TEAD1: variants seen among roughly 807,000 people sequenced by gnomAD.
TEAD1 encodes transcriptional enhancer factor TEF-1.
A neutral mutation model predicts 54.9 loss-of-function variants in TEAD1; 9 were observed. That is an observed-to-expected ratio of 0.16 (90% CI 0.10 to 0.29). The LOEUF (loss-of-function observed/expected upper bound fraction) is 0.29, where lower values mean the gene tolerates loss of function less well. Ranked by LOEUF, TEAD1 falls within the 10% of genes least tolerant of loss-of-function variation. The probability of loss-of-function intolerance (pLI) is 1.00; values close to 1 mark genes in which losing one functional copy is unlikely to be tolerated. For missense variants in TEAD1, 387 were observed against 535.9 expected, an observed-to-expected ratio of 0.72 and a Z score of 2.74; for synonymous variants, 200 against 187.8, an observed-to-expected ratio of 1.07 and a Z score of -0.53.
In TEAD1 at chr11:12,930,222, C is replaced by T. The variant is rs767697992; in HGVS notation, c.1063C>T (p.Arg355Cys). The T allele has an allele frequency of 3.7e-6, 6 of 1,614,042 alleles. No individual in the cohort carries two copies. The highest frequency in any genetic ancestry group is 1.3e-5 in the African/African-American group (1 of 74,902). Reference sequence around the variant, plus strand: ...TGGCCGATTTGTATACCGAATAAACCGCTCCCCAATGTGTGAATATATGAT... The same window carrying T: ...TGGCCGATTTGTATACCGAATAAACTGCTCCCCAATGTGTGAATATATGAT... The change falls in exon 12 of 13, where the codon CGC becomes TGC. Residue 355 changes from arginine to cysteine, a missense_variant. Coordinates refer to ENST00000527636, the MANE Select transcript of TEAD1 (RefSeq NM_021961.6).
At chr11:12,767,056 G>A (rs1945221529) in intron 3 of TEAD1, among the ~76,000 whole-genome samples, 1 of 152,150 alleles carries the variant, frequency 6.6e-6, no homozygotes, top group Admixed American at 6.5e-5. Flanking sequence ...TGGGACTATT[G>A]GTGGTGGAGA....
chr11:12,914,490 CTT>C (rs1301601887), intron 10 of TEAD1, among the ~76,000 whole-genome samples: 2 of 152,190 alleles, frequency 1.3e-5, no homozygotes, highest in Non-Finnish European at 2.9e-5. Context: ...CTCAAAGACT[CTT>C]TTCTGAGGGC....
intron 3 of TEAD1, among the ~76,000 whole-genome samples, chr11:12,848,552 G>T (rs977863315): frequency 1.2e-4 from 18 of 152,148 alleles, no homozygotes; most frequent in African/African-American, 4.1e-4. Flanking sequence ...TGGGAACTTG[G>T]GCAAGTTTCT....
chr11:12,709,276 C>T (rs942415377), intron 2 of TEAD1, among the ~76,000 whole-genome samples: 4 of 151,364 alleles, frequency 2.6e-5, no homozygotes, highest in Admixed American at 1.3e-4. Context: ...AGGTGGAGGT[C>T]GCAGTGAGCT....
intron 3 of TEAD1, among the ~76,000 whole-genome samples, chr11:12,853,754 C>T (rs1866711): frequency 0.61 from 93,124 of 152,034 alleles, 30,119 homozygotes; most frequent in East Asian, 0.77. Flanking sequence ...CTCTAAGATG[C>T]GGGAGAACAC....
intron 2 of TEAD1, among the ~76,000 whole-genome samples, chr11:12,745,291 A>G (rs973722012): frequency 2.0e-5 from 3 of 152,202 alleles, no homozygotes; most frequent in Non-Finnish European, 2.9e-5. Flanking sequence ...AACTGTGTCA[A>G]TTCTGGCCAC....
chr11:12,927,638 A>G (rs1316972018), intron 11 of TEAD1, among the ~76,000 whole-genome samples: 1 of 152,180 alleles, frequency 6.6e-6, no homozygotes, highest in African/African-American at 2.4e-5. Flanking sequence ...TTTTGGAAAA[A>G]TTTTATATTA....
intron 2 of TEAD1, among the ~76,000 whole-genome samples, chr11:12,737,893 A>G (rs1398378174): frequency 6.6e-6 from 1 of 152,328 alleles, no homozygotes; most frequent in East Asian, 1.9e-4. Context: ...AAGAGGTTTA[A>G]TGGACTCACA....
In TEAD1 at chr11:12,764,313, T is replaced by A. The variant is rs745465604; in HGVS notation, c.81T>A (p.Ile27=). ...TGAGTGACTCTGCAGATAAGCCAATTGACAATGATGCAGAAGGGGTCTGGA... is the reference window on the plus strand; with the variant it reads ...TGAGTGACTCTGCAGATAAGCCAATAGACAATGATGCAGAAGGGGTCTGGA... The change falls in exon 3 of 13, where the codon ATT becomes ATA. Residue 27 remains isoleucine, a synonymous_variant. Transcript: ENST00000527636. The A allele has an allele frequency of 2.5e-6, 4 of 1,614,156 alleles. No individual in the cohort carries two copies. The Admixed American group carries it at 6.7e-5, about 27-fold the overall frequency.
At chr11:12,748,028 C>G (rs1311439963) in intron 2 of TEAD1, among the ~76,000 whole-genome samples, 1 of 151,052 alleles carries the variant, frequency 6.6e-6, no homozygotes, top group African/African-American at 2.4e-5. Context: ...GTGGCGCGAT[C>G]CTGGCTCACT....
At chr11:12,737,448 A>G (rs911347053) in intron 2 of TEAD1, among the ~76,000 whole-genome samples, 3 of 152,210 alleles carry the variant, frequency 2.0e-5, no homozygotes, top group African/African-American at 7.2e-5. Context: ...ACTGATGGAG[A>G]ATTCCCAGAC....
chr11:12,897,015 TC>T (rs1433132036), intron 9 of TEAD1, among the ~76,000 whole-genome samples: 1 of 152,202 alleles, frequency 6.6e-6, no homozygotes, highest in Non-Finnish European at 1.5e-5. Context: ...TTTGGAGAAG[TC>T]AAAATTAGCC....
intron 2 of TEAD1, among the ~76,000 whole-genome samples, chr11:12,724,569 T>TA (rs1315151383): frequency 2.6e-5 from 4 of 152,206 alleles, no homozygotes; most frequent in Non-Finnish European, 4.4e-5. Context: ...TCTGAAATCA[T>TA]AAAATGCGCG....
chr11:12,687,870 GA>G (rs1051107557), intron 2 of TEAD1, among the ~76,000 whole-genome samples: 1 of 152,282 alleles, frequency 6.6e-6, no homozygotes, highest in Admixed American at 6.5e-5. Flanking sequence ...CGTTGAGAGA[GA>G]GGGGGCAGGA....
chr11:12,714,269 A>C (rs561287636), intron 2 of TEAD1, among the ~76,000 whole-genome samples: 2 of 152,138 alleles, frequency 1.3e-5, no homozygotes, highest in Non-Finnish European at 2.9e-5. Context: ...GTCTCCTGGC[A>C]CAAGGAGAAG....
intron 3 of TEAD1, among the ~76,000 whole-genome samples, chr11:12,786,070 G>A (rs1381018590): frequency 1.3e-5 from 2 of 152,172 alleles, no homozygotes; most frequent in African/African-American, 4.8e-5. Flanking sequence ...CTGGGCTCCT[G>A]ACAGGTGTGT....
intron 3 of TEAD1, among the ~76,000 whole-genome samples, chr11:12,767,628 G>A (rs1945231455): frequency 6.6e-6 from 1 of 152,200 alleles, no homozygotes; most frequent in South Asian, 2.1e-4. Flanking sequence ...GGCCACCGGA[G>A]GAGGTGGCTT....
intron 2 of TEAD1, among the ~76,000 whole-genome samples, chr11:12,723,443 A>G (rs1247235631): frequency 6.6e-6 from 1 of 152,230 alleles, no homozygotes; most frequent in Non-Finnish European, 1.5e-5. Flanking sequence ...AACTAACAAA[A>G]ACCAAACCCA....
At chr11:12,853,432 T>C (rs917999457) in intron 3 of TEAD1, among the ~76,000 whole-genome samples, 6 of 152,080 alleles carry the variant, frequency 3.9e-5, no homozygotes, top group Non-Finnish European at 8.8e-5. Context: ...GAACTGTGTT[T>C]TAGGTAGCTG....
Sources: allele counts gnomAD v4.1 joint callset (sites outside exome capture counted in the v4.1 genomes callset), GRCh38; gene constraint gnomAD v4.1.1; transcripts MANE v1.5; gene names NCBI Gene and HGNC (gene_info 2026-07-23, HGNC 2026-07-21).